The following TWF2 variants were observed in gnomAD, a reference collection of about 807,000 sequenced individuals.
TWF2 encodes the protein twinfilin actin binding protein 2, also known as twinfilin-2.
A neutral mutation model predicts 45.1 loss-of-function variants in TWF2; 15 were observed. The ratio of observed to expected loss-of-function variants is 0.33; its 90% CI spans 0.22 to 0.51. The LOEUF (loss-of-function observed/expected upper bound fraction) is 0.51, where lower values mean the gene tolerates loss of function less well. TWF2 is among the 20% of genes least tolerant of loss of function. The pLI is 0.97. For synonymous variants in TWF2, 177 were observed against 195.8 expected, an observed-to-expected ratio of 0.90 and a Z score of 0.80; for missense variants, 423 against 469.1, an observed-to-expected ratio of 0.90 and a Z score of 0.91.
chr3:52,230,844 T>A, intron 6 of TWF2, 26 bp downstream of exon 6: 1 of 1,607,384 alleles, frequency 6.2e-7, no homozygotes. Context: ...TGGCAGCATG[T>A]GCCAGGGTAG....
chr3:52,229,768 T>C lies in TWF2; in HGVS notation c.775A>G (p.Met259Val). 2 of 1,612,666 alleles carry C rather than the reference T, an allele frequency of 1.2e-6. No homozygotes were observed. Among genetic ancestry groups the C allele is most frequent in the Non-Finnish European group, 1.7e-6 (2 of 1,179,790 alleles). Residue 259 changes from methionine to valine, a missense_variant, in exon 8 of 9, where the codon ATG becomes GTG. Coordinates refer to ENST00000305533, the MANE Select transcript of TWF2 (RefSeq NM_007284.4). ...TTGATGCTGCACTTGTACCCCGGCA[T>C]GGAGTAGATGAACACTGTTGGGGGG... ...PLESVVFIYS[M>V]PGYKCSIKER... is the part of the protein sequence containing the mutation.
chr3:52,234,314 C>A (rs1699705951), intron 2 of TWF2, among the ~76,000 whole-genome samples: 1 of 152,176 alleles, frequency 6.6e-6, no homozygotes, highest in African/African-American at 2.4e-5. Context: ...ACCCCTCACC[C>A]AAAGGGACAG....
chr3:52,232,791 C>T (rs1006242484), intron 2 of TWF2, among the ~76,000 whole-genome samples: 2 of 152,276 alleles, frequency 1.3e-5, no homozygotes, highest in African/African-American at 2.4e-5. Context: ...CAGAGGCAGG[C>T]GGATCGCCTG....
Position 52,231,223 on chromosome 3 carries a change from G to T in TWF2, c.387C>A (p.Leu129=). ...GGTGTTTCTGGTACCCAGCAAAAGA[G>T]AGGTCATCCTGCAGGGGTGGGGGTG... ...DELFGTVKDD[L]SFAGYQKHLS... Residue 129 remains leucine, a synonymous_variant, in exon 5 of 9, where the codon CTC becomes CTA. Coordinates refer to ENST00000305533, the MANE Select transcript of TWF2 (RefSeq NM_007284.4). 6.2e-7 allele frequency: 1 copy of T among 1,614,074 alleles called. No homozygotes were observed.
chr3:52,230,188 C>T, intron 6 of TWF2, 118 bp from the exon 7 acceptor site: 1 of 1,314,882 alleles, frequency 7.6e-7, no homozygotes, highest in Non-Finnish European at 1.0e-6. Flanking sequence ...TGACCTCCCT[C>T]TCCCAAGACT....
chr3:52,238,948 G>T, intron 1 of TWF2, 44 bp downstream of exon 1: 1 of 1,573,254 alleles, frequency 6.4e-7, no homozygotes, highest in African/African-American at 1.3e-5. Flanking sequence ...GCGCTTCCGA[G>T]AGCCCAGACC....
chr3:52,231,235 C>T lies in TWF2; in HGVS notation c.379-4G>A. 6.2e-7 allele frequency: 1 copy of T among 1,613,944 alleles called. No homozygotes were observed. Among genetic ancestry groups the T allele is most frequent in the Non-Finnish European group, 8.5e-7 (1 of 1,179,902 alleles). ...ACCCAGCAAAAGAGAGGTCATCCTG[C>T]AGGGGTGGGGGTGAATGCAGAGCCA... On this transcript the variant is annotated splice_polypyrimidine_tract_variant and splice_region_variant and intron_variant, in intron 4 of 8. Transcript: ENST00000305533.
chr3:52,229,875 C>T (rs747791708), intron 7 of TWF2, 45 bp downstream of exon 7: 67 of 1,595,452 alleles, frequency 4.2e-5, no homozygotes, highest in Non-Finnish European at 5.3e-5. Context: ...ACCAGCCCTG[C>T]TCCCACCCAG....
At chr3:52,229,235 G>T (rs762681433) in intron 8 of TWF2, 34 bp from the exon 9 acceptor site, 9 of 1,602,724 alleles carry the variant, frequency 5.6e-6, no homozygotes, top group African/African-American at 1.3e-5. Context: ...ACCCCAATGG[G>T]AGGGGCTCTG....
rs199817219 is a variant in TWF2 at position 52,231,534 on chromosome 3, C to T, written c.288G>A (p.Arg96=). 4 of 1,612,484 alleles carry T rather than the reference C, an allele frequency of 2.5e-6. No individual in the cohort carries two copies. The highest frequency in any genetic ancestry group is 2.7e-5 in the African/African-American group (2 of 74,930). Residue 96 remains arginine (R), a synonymous_variant, in exon 4 of 9, where the codon CGG becomes CGA. Coordinates refer to ENST00000305533, the MANE Select transcript of TWF2 (RefSeq NM_007284.4). ...LAWSPDNSPV[R]LKMLYAATRA... is the part of the protein sequence containing the mutation. ...GCGTGGCCGCGTACAGCATCTTCAG[C>T]CGCACCTGAAGGGCAAGGGCCAAAC... is the stretch of plus-strand genomic sequence containing the variant.
chr3:52,229,519 G>A (rs1049778528), intron 8 of TWF2, 142 bp downstream of exon 8: 1 of 1,404,490 alleles, frequency 7.1e-7, no homozygotes, highest in East Asian at 2.3e-5. Flanking sequence ...GGCCATGCGT[G>A]TTGCTCCTTG....
intron 3 of TWF2, 141 bp downstream of exon 3, chr3:52,231,803 C>G (rs1038894911): frequency 2.4e-6 from 3 of 1,273,064 alleles, no homozygotes; most frequent in Non-Finnish European, 3.3e-6. Flanking sequence ...CTCTCTCAGA[C>G]TCCCTAGGGC....
intron 3 of TWF2, 66 bp from the exon 4 acceptor site, chr3:52,231,605 T>C (rs890338464): frequency 7.9e-6 from 12 of 1,526,708 alleles, no homozygotes; most frequent in Non-Finnish European, 8.0e-6. Flanking sequence ...AACAGACAGG[T>C]GCCTCTGGAG....
At position 52,229,903 on chromosome 3, in the gene TWF2, C is replaced by T; in HGVS notation, c.760+17G>A. 1 of 1,601,120 alleles carries T rather than the reference C, an allele frequency of 6.2e-7. No individual in the cohort carries two copies. The highest frequency in any genetic ancestry group is 8.5e-7 in the Non-Finnish European group (1 of 1,171,172). ...CCACCCAGCCACAGGCTTGGGAGCC[C>T]TGCCATGGCCACTCACCTACAGACT... On this transcript the variant is annotated intron_variant, in intron 7 of 8. Transcript: ENST00000305533.
rs748851110 is a variant in TWF2 at position 52,232,011 on chromosome 3, C to A, written c.215G>T (p.Arg72Leu). ...DAQQPCYLLYRLDSQNAQGFE... is the reference protein window; with the variant it reads ...DAQQPCYLLYLLDSQNAQGFE... ...GCCCTGAGCATTCTGTGAGTCGAGGCGGTAGAGCAGGTAGCAGGGCTGCTG... is the reference window on the plus strand; with the variant it reads ...GCCCTGAGCATTCTGTGAGTCGAGGAGGTAGAGCAGGTAGCAGGGCTGCTG... The change falls in exon 3 of 9, where the codon CGC becomes CTC. Residue 72 changes from arginine (R) to leucine (L), a missense_variant. Coordinates refer to ENST00000305533, the MANE Select transcript of TWF2 (RefSeq NM_007284.4). 5.6e-6 allele frequency: 9 copies of A among 1,614,064 alleles called. No individual in the cohort carries two copies. The East Asian group carries it at 1.8e-4, about 32-fold the overall frequency.
chr3:52,238,645 G>A (rs1296000970), intron 1 of TWF2, among the ~76,000 whole-genome samples: 1 of 152,164 alleles, frequency 6.6e-6, no homozygotes, highest in Non-Finnish European at 1.5e-5. Flanking sequence ...CACATCCAGA[G>A]GTGCACAGGC....
At chr3:52,232,172 C>T in intron 2 of TWF2, 50 bp from the exon 3 acceptor site, 7 of 1,469,468 alleles carry the variant, frequency 4.8e-6, no homozygotes, top group Non-Finnish European at 6.3e-6. Flanking sequence ...CACTGCGCCT[C>T]CCGCTGCAGA....
Position 52,230,896 on chromosome 3 carries a change from G to T in TWF2, c.583C>A (p.Gln195Lys). The part of the protein sequence containing the change: ...EAQRALQQLK[Q>K]KMVNYIQMKL... ...ATCTGGATGTAGTTGACCATTTTCT[G>T]CTTGAGCTGCTGGAGTGCCCGCTGG... Residue 195 changes from glutamine (Q) to lysine (K), a missense_variant, in exon 6 of 9, where the codon CAG becomes AAG. Gln to Lys is a moderately conservative substitution (Grantham distance 53, BLOSUM62 1). Transcript: ENST00000305533. The T allele has an allele frequency of 6.2e-7, 1 of 1,610,414 alleles. No individual in the cohort carries two copies.
rs1171044849 is a variant in TWF2 at position 52,229,318 on chromosome 3, G to C, written c.883-117C>G. On this transcript the variant is annotated intron_variant, in intron 8 of 8. Transcript: ENST00000305533. ...TCACATCCTAGCCCTGGGGTCTCCT[G>C]AGGTCTCCCCTTGATTCCCCACCTG... is the stretch of plus-strand genomic sequence containing the variant. 3 of 1,397,028 alleles carry C rather than the reference G, an allele frequency of 2.1e-6. No individual in the cohort carries two copies. The East Asian group carries it at 7.4e-5, about 34-fold the overall frequency. 86.5% of individuals were successfully genotyped at this position (1,397,028 alleles called of 1,614,324 possible).
Sources: gnomAD v4.1 joint callset for allele counts (sites outside exome capture counted in the v4.1 genomes callset) on GRCh38, gnomAD v4.1.1 for gene constraint, MANE v1.5 for transcripts, NCBI Gene and HGNC (gene_info 2026-07-23, HGNC 2026-07-21) for gene names.